PRKCE: variants seen among roughly 807,000 people sequenced by gnomAD.
PRKCE encodes the protein protein kinase C epsilon, also known as protein kinase C epsilon type.
Under a neutral mutation model 85.4 loss-of-function variants are expected in PRKCE, and 16 were observed. The ratio of observed to expected loss-of-function variants is 0.19; its 90% CI spans 0.13 to 0.28. PRKCE has a LOEUF of 0.28. Ranked by LOEUF, PRKCE falls within the 10% of genes least tolerant of loss-of-function variation. The pLI is 1.00. For missense variants in PRKCE, 573 were observed against 975.2 expected, an observed-to-expected ratio of 0.59 and a Z score of 5.49; for synonymous variants, 388 against 371.5, an observed-to-expected ratio of 1.04 and a Z score of -0.51.
At chr2:45,736,985 G>A (rs778113260) in intron 1 of PRKCE, among the ~76,000 whole-genome samples, 1 of 152,142 alleles carries the variant, frequency 6.6e-6, no homozygotes, top group Non-Finnish European at 1.5e-5. Context: ...AGAGGGGCCC[G>A]GCCATGCTGA....
At position 46,159,581 on chromosome 2, in the gene PRKCE, T is replaced by C. The variant is rs1284546130; in HGVS notation, c.1921-25T>C. On this transcript the variant is annotated intron_variant, in intron 13 of 14. Coordinates refer to ENST00000306156, the MANE Select transcript of PRKCE (RefSeq NM_005400.3). This position sits in a 1 kb window ranked among gnomAD's most constrained non-coding sequence, Gnocchi z 4.1. ...TGCTGGCCAGGCCTTTGTCACTAATTCCGACTCTGTCCTCATCCCTGCAGT... is the reference window on the plus strand; with the variant it reads ...TGCTGGCCAGGCCTTTGTCACTAATCCCGACTCTGTCCTCATCCCTGCAGT... 1.9e-6 allele frequency: 3 copies of C among 1,567,204 alleles called. No individual in the cohort carries two copies. The highest frequency in any genetic ancestry group is 1.7e-6 in the Non-Finnish European group (2 of 1,163,368).
In PRKCE at chr2:45,929,470, G is replaced by A. The variant is rs973060389; in HGVS notation, c.413-46959G>A. Among the ~76,000 whole-genome samples the A allele has an allele frequency of 3.9e-5, 6 of 152,070 alleles. No individual in the cohort carries two copies. The East Asian group carries it at 9.6e-4, about 24-fold the overall frequency. On this transcript the variant is annotated intron_variant, in intron 2 of 14. Coordinates refer to ENST00000306156, the MANE Select transcript of PRKCE (RefSeq NM_005400.3). The stretch of plus-strand genomic sequence containing the variant: ...GGACTGAGTTCAGGCAGCAGAAACC[G>A]AGACTAAGGGAGCATGAAAGAAAAG...
chr2:45,891,073 G>T (rs770854318), intron 2 of PRKCE, among the ~76,000 whole-genome samples: 1 of 152,198 alleles, frequency 6.6e-6, no homozygotes, highest in Non-Finnish European at 1.5e-5. Context: ...ATTGGGTTGG[G>T]TTTGATATTG....
rs35676949 is a variant in PRKCE at position 46,151,280 on chromosome 2, TACACACACAC to T, written c.1920+86_1920+95del. 4,972 of 558,186 alleles carry T rather than the reference TACACACACAC, an allele frequency of 8.9e-3. 3 individuals carry two copies. Among genetic ancestry groups the T allele is most frequent in the East Asian group, 0.014 (395 of 27,388 alleles). 34.6% of individuals were successfully genotyped at this position (558,186 alleles called of 1,614,324 possible). On this transcript the variant is annotated intron_variant, in intron 13 of 14. Coordinates refer to ENST00000306156, the MANE Select transcript of PRKCE (RefSeq NM_005400.3). ...CTGTGCTCTCCTGGGCTCCTCCCCCTACACACACACACACACACACACACACACACACACA... is the reference window on the plus strand; with the variant it reads ...CTGTGCTCTCCTGGGCTCCTCCCCCTACACACACACACACACACACACACA...
In PRKCE at chr2:46,185,253, C is replaced by T. The variant is rs61760008; in HGVS notation, c.*372C>T. On this transcript the variant is annotated 3_prime_UTR_variant, in exon 15 of 15. Transcript: ENST00000306156. The surrounding 1 kb of genome is among the most constrained non-coding windows in gnomAD (Gnocchi z 4.7). ...AGAAAGAAAGCAAACAAGAAGACTCCGGCTCTGCTATCGGACACAGATCCT... is the reference window on the plus strand; with the variant it reads ...AGAAAGAAAGCAAACAAGAAGACTCTGGCTCTGCTATCGGACACAGATCCT... 0.014 allele frequency: 2,662 copies of T among 195,460 alleles called. 83 individuals carry two copies. Among genetic ancestry groups the T allele is most frequent in the African/African-American group, 0.058 (2,458 of 42,354 alleles). 12.1% of individuals were successfully genotyped at this position (195,460 alleles called of 1,614,324 possible).
chr2:46,011,246 C>A (rs1042746783), intron 10 of PRKCE, among the ~76,000 whole-genome samples: 1 of 152,090 alleles, frequency 6.6e-6, no homozygotes, highest in African/African-American at 2.4e-5. Flanking sequence ...CTTGAGAAGG[C>A]AAAGACAGAC....
At chr2:45,817,216 T>C (rs1258234621) in intron 1 of PRKCE, among the ~76,000 whole-genome samples, 4 of 152,264 alleles carry the variant, frequency 2.6e-5, no homozygotes, top group African/African-American at 9.6e-5. Context: ...TCATTTCTTA[T>C]TGAGCTTTGC....
intron 10 of PRKCE, among the ~76,000 whole-genome samples, chr2:46,040,649 T>C (rs578035232): frequency 6.6e-6 from 1 of 152,268 alleles, no homozygotes; most frequent in South Asian, 2.1e-4. Flanking sequence ...CTTGAGAAAA[T>C]GGCAAAATCT....
rs775722906 is a variant in PRKCE, at chr2:46,145,142, C to T, written c.1642C>T (p.Leu548=). ...ILLDAEGHCK[L]ADFGMCKEGI... The stretch of plus-strand genomic sequence containing the variant: ...TCTGGATGCAGAAGGTCACTGCAAG[C>T]TGGCTGACTTCGGGATGTGCAAGGA... Residue 548 remains leucine, a synonymous_variant, in exon 12 of 15, where the codon CTG becomes TTG. Transcript: ENST00000306156. The surrounding 1 kb of genome is among the most constrained non-coding windows in gnomAD (Gnocchi z 4.6). The T allele has an allele frequency of 6.3e-7, 1 of 1,599,626 alleles. No individual in the cohort carries two copies. The highest frequency in any genetic ancestry group is 1.3e-5 in the African/African-American group (1 of 74,926).
At position 45,783,734 on chromosome 2, in the gene PRKCE, G is replaced by T. The variant is rs115120473; in HGVS notation, c.349-59266G>T. Reference sequence around the variant, plus strand: ...ATCCTAACCTGTTCTCTGGTCACAGGATGGTGTTTCTCTGGGTGTGGCTCA... The same window carrying T: ...ATCCTAACCTGTTCTCTGGTCACAGTATGGTGTTTCTCTGGGTGTGGCTCA... On this transcript the variant is annotated intron_variant, in intron 1 of 14. Coordinates refer to ENST00000306156, the MANE Select transcript of PRKCE (RefSeq NM_005400.3). 5.1e-3 allele frequency among the ~76,000 whole-genome samples: 784 copies of T among 152,316 alleles called. 3 individuals are homozygous for T. The highest frequency in any genetic ancestry group is 0.018 in the African/African-American group (737 of 41,560).
At chr2:45,843,545 G>A (rs530891101) in intron 2 of PRKCE, among the ~76,000 whole-genome samples, 1 of 152,298 alleles carries the variant, frequency 6.6e-6, no homozygotes, top group Admixed American at 6.5e-5. Context: ...AGAAATAATG[G>A]GGTGAGGGAA....
intron 10 of PRKCE, chr2:46,078,215 G>T (rs1668722339): frequency 6.6e-6 from 1 of 151,950 alleles, no homozygotes; most frequent in African/African-American, 2.4e-5. Context: ...AAATCAACTT[G>T]ATGCCATTTT....
chr2:46,086,607 A>G (rs1043702767), intron 11 of PRKCE, among the ~76,000 whole-genome samples: 5 of 152,198 alleles, frequency 3.3e-5, no homozygotes, highest in Admixed American at 3.3e-4. Context: ...CTCAAGCATG[A>G]CATTTTAAAG....
At chr2:45,976,621 A>C in intron 3 of PRKCE, 33 bp downstream of exon 3, 1 of 1,591,814 alleles carries the variant, frequency 6.3e-7, no homozygotes, top group Non-Finnish European at 8.5e-7. Flanking sequence ...TCTAATTACA[A>C]CATCTCTGTT....
At chr2:45,852,409 C>A (rs1692342108) in intron 2 of PRKCE, among the ~76,000 whole-genome samples, 1 of 152,196 alleles carries the variant, frequency 6.6e-6, no homozygotes, top group South Asian at 2.1e-4. Flanking sequence ...CATTGTAGTT[C>A]CTGCTCCATA....
At chr2:45,676,372 C>G (rs1676449799) in intron 1 of PRKCE, among the ~76,000 whole-genome samples, 1 of 152,154 alleles carries the variant, frequency 6.6e-6, no homozygotes, top group Non-Finnish European at 1.5e-5. Flanking sequence ...AAACTGAAAC[C>G]AGTGCAACAA....
intron 12 of PRKCE, among the ~76,000 whole-genome samples, chr2:46,149,999 G>T (rs1456100654): frequency 1.3e-5 from 2 of 151,786 alleles, no homozygotes; most frequent in Non-Finnish European, 2.9e-5. Flanking sequence ...TGAGACTACA[G>T]ACACGTACCA....
chr2:46,107,970 C>T lies in PRKCE; in HGVS notation c.1592+21608C>T, dbSNP rs573194743. On this transcript the variant is annotated intron_variant, in intron 11 of 14. Coordinates refer to ENST00000306156, the MANE Select transcript of PRKCE (RefSeq NM_005400.3). ...CTTCTAAGACAGGGTCTCACTCTCA[C>T]AAGACTGCAATACAGTGGTGTGATC... Among the ~76,000 whole-genome samples, 3 of 152,316 alleles carry T rather than the reference C, an allele frequency of 2.0e-5. No individual in the cohort carries two copies. The East Asian group carries it at 5.8e-4, about 29-fold the overall frequency.
At chr2:45,956,742 A>G (rs1701002947) in intron 2 of PRKCE, among the ~76,000 whole-genome samples, 1 of 152,196 alleles carries the variant, frequency 6.6e-6, no homozygotes, top group African/African-American at 2.4e-5. Flanking sequence ...ACCATTTTGT[A>G]TTCTGACCAG....
Sources: gnomAD v4.1 joint callset for allele counts (sites outside exome capture counted in the v4.1 genomes callset) on GRCh38, gnomAD v4.1.1 for gene constraint, Gnocchi (gnomAD v3.1) non-coding constraint, MANE v1.5 for transcripts, NCBI Gene and HGNC (gene_info 2026-07-23, HGNC 2026-07-21) for gene names.